The following ACSM3 variants were observed in gnomAD, a reference collection of about 807,000 sequenced individuals.
ACSM3 encodes the protein acyl-CoA synthetase medium chain family member 3.
In ACSM3, 61 loss-of-function variants were observed where a neutral mutation model predicts 74.1. The ratio of observed to expected loss-of-function variants is 0.82; its 90% CI spans 0.67 to 1.02. ACSM3 has a LOEUF of 1.02. Among genes scored for constraint, ACSM3 ranks in the 50% least tolerant of loss-of-function variants. ACSM3 has a pLI of 0.00. For missense variants in ACSM3, 660 were observed against 697.0 expected, an observed-to-expected ratio of 0.95 and a Z score of 0.60; for synonymous variants, 213 against 241.5, an observed-to-expected ratio of 0.88 and a Z score of 1.09.
At chr16:20,677,307 C>T (rs234279) in intron 1 of ACSM3, among the ~76,000 whole-genome samples, 77,713 of 151,710 alleles carry the variant, frequency 0.51, 22,383 homozygotes, top group East Asian at 0.86. Flanking sequence ...TTCTTGTATG[C>T]CCATAAGTGA....
At chr16:20,729,256 G>A (rs906314986) in intron 1 of ACSM3, 19 of 1,142,246 alleles carry the variant, frequency 1.7e-5, no homozygotes, top group Middle Eastern at 2.2e-4. Context: ...CTGCTGCCAC[G>A]GTAAGGGGAG....
intron 9 of ACSM3, chr16:20,789,427 G>T: frequency 2.3e-6 from 3 of 1,307,328 alleles, no homozygotes; most frequent in Non-Finnish European, 3.3e-6. Context: ...ACACTTCAGG[G>T]AATGATGAGG....
At position 20,784,971 on chromosome 16, in the gene ACSM3, G is replaced by A; in HGVS notation, c.1020-13G>A. The A allele has an allele frequency of 6.2e-7, 1 of 1,604,512 alleles. No individual in the cohort carries two copies. Among genetic ancestry groups the A allele is most frequent in the Non-Finnish European group, 8.5e-7 (1 of 1,176,292 alleles). Reference sequence around the variant, plus strand: ...TTTCCTCCTAAATCTAACTTATCTGGTTTTCTGAGAAGCTATAAGTTTAAA... The same window carrying A: ...TTTCCTCCTAAATCTAACTTATCTGATTTTCTGAGAAGCTATAAGTTTAAA... On this transcript the variant is annotated splice_polypyrimidine_tract_variant and intron_variant, in intron 7 of 13. Transcript: ENST00000289416.
In ACSM3 at chr16:20,741,130, C is replaced by T. The variant is rs540488265; in HGVS notation, c.-189-8780C>T. Among the ~76,000 whole-genome samples the T allele has an allele frequency of 7.2e-5, 11 of 152,252 alleles. 1 individual carries two copies. The highest frequency in any genetic ancestry group is 2.1e-4 in the South Asian group (1 of 4,828). Reference sequence around the variant, plus strand: ...TACAAAACTTAGCCGAGAGTGGTGGCGCGCACTCATAGTCCCAGCTACTCT... The same window carrying T: ...TACAAAACTTAGCCGAGAGTGGTGGTGCGCACTCATAGTCCCAGCTACTCT... On this transcript the variant is annotated intron_variant, in intron 1 of 3. Transcript: ENST00000561584.
At chr16:20,737,782 C>T (rs1329713329) in intron 1 of ACSM3, 24 of 1,613,740 alleles carry the variant, frequency 1.5e-5, no homozygotes, top group Non-Finnish European at 1.9e-5. Flanking sequence ...CTGAAATGTC[C>T]CTTTGTTTGG....
chr16:20,748,309 C>A (rs914533522), intron 1 of ACSM3, among the ~76,000 whole-genome samples: 1 of 152,134 alleles, frequency 6.6e-6, no homozygotes, highest in African/African-American at 2.4e-5. Context: ...AGGGAAGCCA[C>A]ATCCTCAGTA....
intron 1 of ACSM3, among the ~76,000 whole-genome samples, chr16:20,700,270 C>A (rs2079709519): frequency 6.6e-6 from 1 of 152,086 alleles, no homozygotes; most frequent in Admixed American, 6.5e-5. Context: ...ACATGTAAGA[C>A]AAGGTTGGTG....
At chr16:20,712,923 A>C (rs1355705349) in intron 1 of ACSM3, among the ~76,000 whole-genome samples, 1 of 152,024 alleles carries the variant, frequency 6.6e-6, no homozygotes, top group East Asian at 1.9e-4. Context: ...AAAAAAAAAA[A>C]AACAAAAACC....
chr16:20,702,353 C>T (rs1482066458), intron 1 of ACSM3, among the ~76,000 whole-genome samples: 1 of 152,228 alleles, frequency 6.6e-6, no homozygotes, highest in East Asian at 1.9e-4. Flanking sequence ...GCTGGGATTA[C>T]AGGCATGTGC....
At chr16:20,702,557 G>A (rs1253131789) in intron 1 of ACSM3, among the ~76,000 whole-genome samples, 1 of 152,158 alleles carries the variant, frequency 6.6e-6, no homozygotes, top group Admixed American at 6.6e-5. Flanking sequence ...TTTCTCTAAT[G>A]ACCAGGGATG....
Position 20,687,198 on chromosome 16 carries a change from A to G in ACSM3, c.-190+12376A>G, listed in dbSNP as rs1412585137. ...ATAGAAACCATGGCATAATTTGAAT[A>G]TGATGTTGGGGGTCTCTGAAAGCAG... On this transcript the variant is annotated intron_variant, in intron 1 of 3. Coordinates refer to the ACSM3 transcript ENST00000561584. Among the ~76,000 whole-genome samples, 3 of 152,056 alleles carry G rather than the reference A, an allele frequency of 2.0e-5. No individual in the cohort carries two copies. The East Asian group carries it at 5.8e-4, about 29-fold the overall frequency.
intron 1 of ACSM3, among the ~76,000 whole-genome samples, chr16:20,745,723 C>T (rs1043815734): frequency 2.6e-5 from 4 of 152,216 alleles, no homozygotes; most frequent in Admixed American, 6.5e-5. Context: ...GGCCTCACAG[C>T]CAAGCAAGGG....
chr16:20,791,211 G>T (rs1204604486), intron 10 of ACSM3, among the ~76,000 whole-genome samples: 1 of 152,162 alleles, frequency 6.6e-6, no homozygotes, highest in African/African-American at 2.4e-5. Context: ...CAGTGTATTT[G>T]ATATAATGTA....
At chr16:20,676,364 G>A (rs796651581) in intron 1 of ACSM3, among the ~76,000 whole-genome samples, 1 of 152,186 alleles carries the variant, frequency 6.6e-6, no homozygotes, top group Non-Finnish European at 1.5e-5. Context: ...AAATCTCAGA[G>A]GTGCTCCAGG....
intron 2 of ACSM3, among the ~76,000 whole-genome samples, chr16:20,754,840 G>A (rs2080016522): frequency 6.6e-6 from 1 of 152,186 alleles, no homozygotes; most frequent in African/African-American, 2.4e-5. Context: ...CATGAGTATG[G>A]TGGAGGGAGA....
intron 3 of ACSM3, among the ~76,000 whole-genome samples, 167 bp from the exon 4 acceptor site, chr16:20,777,206 C>T (rs1596517351): frequency 6.6e-6 from 1 of 152,216 alleles, no homozygotes; most frequent in African/African-American, 2.4e-5. Context: ...TCTGAAATCC[C>T]TTGAAAGGCA....
chr16:20,777,206 C>G (rs1596517351), intron 3 of ACSM3, among the ~76,000 whole-genome samples, 167 bp from the exon 4 acceptor site: 1 of 152,098 alleles, frequency 6.6e-6, no homozygotes, highest in East Asian at 1.9e-4. Flanking sequence ...TCTGAAATCC[C>G]TTGAAAGGCA....
At chr16:20,769,463 A>T (rs184098751) in intron 1 of ACSM3, among the ~76,000 whole-genome samples, 1 of 152,364 alleles carries the variant, frequency 6.6e-6, no homozygotes, top group East Asian at 1.9e-4. Context: ...ATAAACTGTG[A>T]CAGTGCTTTC....
At chr16:20,702,421 C>A (rs2079715146) in intron 1 of ACSM3, among the ~76,000 whole-genome samples, 1 of 152,168 alleles carries the variant, frequency 6.6e-6, no homozygotes, top group South Asian at 2.1e-4. Context: ...ACCATGTTAG[C>A]CAGGCTGGTC....
Sources: allele counts gnomAD v4.1 joint callset (sites outside exome capture counted in the v4.1 genomes callset), GRCh38; gene constraint gnomAD v4.1.1; transcripts MANE v1.5; gene names NCBI Gene and HGNC (gene_info 2026-07-23, HGNC 2026-07-21).